RAB3C: variants seen among roughly 807,000 people sequenced by gnomAD.
The protein encoded by RAB3C is RAB3C, member RAS oncogene family.
Under a neutral mutation model 26.4 loss-of-function variants are expected in RAB3C, and 17 were observed. That is an observed-to-expected ratio of 0.64 (90% confidence interval 0.44 to 0.97). The LOEUF is 0.97. RAB3C is among the 50% of genes least tolerant of loss of function. The probability of loss-of-function intolerance (pLI) is 0.00; values close to 1 mark genes in which losing one functional copy is unlikely to be tolerated. For synonymous variants in RAB3C, 91 were observed against 95.9 expected (o/e 0.95, Z 0.30); for missense variants, 242 against 281.9 (o/e 0.86, Z 1.01).
intron 3 of RAB3C, among the ~76,000 whole-genome samples, chr5:58,792,792 T>C (rs1442626857): frequency 6.6e-6 from 1 of 152,116 alleles, no homozygotes; most frequent in Non-Finnish European, 1.5e-5. Context: ...TGTATGTGTA[T>C]ATATAAAACC....
chr5:58,631,531 A>G (rs1319278075), intron 2 of RAB3C, among the ~76,000 whole-genome samples: 1 of 152,234 alleles, frequency 6.6e-6, no homozygotes, highest in African/African-American at 2.4e-5. Flanking sequence ...GCTTTCAGCA[A>G]CAAGTTAAAT....
At chr5:58,673,599 A>G (rs1379675266) in intron 2 of RAB3C, among the ~76,000 whole-genome samples, 1 of 152,228 alleles carries the variant, frequency 6.6e-6, no homozygotes, top group Non-Finnish European at 1.5e-5. Flanking sequence ...GTTTGACCCA[A>G]GGATTTTAAA....
chr5:58,699,436 G>A (rs1237761584), intron 2 of RAB3C, among the ~76,000 whole-genome samples: 2 of 152,218 alleles, frequency 1.3e-5, no homozygotes, highest in East Asian at 3.9e-4. Flanking sequence ...ACCCACTTGA[G>A]GAAGCAGTCT....
chr5:58,841,519 G>A (rs1743875782), intron 4 of RAB3C, among the ~76,000 whole-genome samples: 1 of 152,172 alleles, frequency 6.6e-6, no homozygotes, highest in South Asian at 2.1e-4. Context: ...ATGGTGCTAT[G>A]CTGCAGAAGC....
chr5:58,712,706 G>A (rs969682168), intron 2 of RAB3C, among the ~76,000 whole-genome samples: 4 of 152,104 alleles, frequency 2.6e-5, no homozygotes, highest in African/African-American at 9.7e-5. Context: ...TGTATTTTTA[G>A]TAGAGACAGG....
At chr5:58,775,173 G>A (rs527984340) in intron 3 of RAB3C, among the ~76,000 whole-genome samples, 2 of 152,216 alleles carry the variant, frequency 1.3e-5, no homozygotes, top group African/African-American at 4.8e-5. Context: ...CAAAAGGACT[G>A]TTTCACTCAT....
chr5:58,651,711 A>G (rs981008039), intron 2 of RAB3C, among the ~76,000 whole-genome samples: 19 of 152,176 alleles, frequency 1.2e-4, no homozygotes, highest in African/African-American at 4.3e-4. Flanking sequence ...CATTGAGAAT[A>G]TGATCGTAAT....
rs61291213 is a variant in RAB3C, at chr5:58,693,336, G to GTATATATATA, written c.253-32649_253-32640dup. On this transcript the variant is annotated intron_variant, in intron 2 of 4. Coordinates refer to ENST00000282878, the MANE Select transcript of RAB3C (RefSeq NM_138453.4). ...AAATTAAGAAATTATATATATATGT[G>GTATATATATA]TATATATATATATATATATATATAT... is the stretch of plus-strand genomic sequence containing the variant. 4.3e-4 allele frequency among the ~76,000 whole-genome samples: 48 copies of GTATATATATA among 111,732 alleles called. 1 individual carries two copies. The highest frequency in any genetic ancestry group is 1.8e-3 in the African/African-American group (47 of 26,810). The allele number at this position is 111,732 out of a possible 152,430, so 73.3% of individuals were successfully genotyped here.
At chr5:58,649,437 G>A (rs1156302802) in intron 2 of RAB3C, among the ~76,000 whole-genome samples, 1 of 151,966 alleles carries the variant, frequency 6.6e-6, no homozygotes, top group Non-Finnish European at 1.5e-5. Flanking sequence ...TGGACCTGAT[G>A]ATTGGTACCT....
intron 3 of RAB3C, among the ~76,000 whole-genome samples, chr5:58,761,059 T>A (rs200698157): frequency 1.7e-3 from 117 of 68,652 alleles, no homozygotes; most frequent in Middle Eastern, 0.01. Context: ...CCTCTCTCTC[T>A]CTCTCACACA....
In RAB3C at chr5:58,606,783, T is replaced by C. The variant is rs548891481; in HGVS notation, c.25-10860T>C. Among the ~76,000 whole-genome samples the C allele has an allele frequency of 3.8e-4, 58 of 152,046 alleles. No homozygotes were observed. The South Asian group carries it at 0.012, about 31-fold the overall frequency. The stretch of plus-strand genomic sequence containing the variant: ...ATACCCAGGCAAACACGGTCTGGAG[T>C]AGTGGACCTCCAGCAAACTCCAACA... On this transcript the variant is annotated intron_variant, in intron 1 of 4. Coordinates refer to ENST00000282878, the MANE Select transcript of RAB3C (RefSeq NM_138453.4).
chr5:58,760,927 A>T (rs189880759), intron 3 of RAB3C, among the ~76,000 whole-genome samples: 10 of 152,356 alleles, frequency 6.6e-5, no homozygotes, highest in African/African-American at 2.4e-4. Flanking sequence ...CCAGTTAAAT[A>T]GATAACGAGC....
intron 2 of RAB3C, among the ~76,000 whole-genome samples, chr5:58,654,414 C>T (rs868588016): frequency 7.2e-5 from 11 of 152,164 alleles, no homozygotes; most frequent in African/African-American, 2.7e-4. Flanking sequence ...TCAAATCCAA[C>T]TTCTCAACTA....
chr5:58,607,894 T>A (rs1746607276), intron 1 of RAB3C, among the ~76,000 whole-genome samples: 1 of 152,110 alleles, frequency 6.6e-6, no homozygotes. Context: ...AGAGATTTTG[T>A]CACCACCAGG....
At chr5:58,658,258 A>G (rs1237828092) in intron 2 of RAB3C, among the ~76,000 whole-genome samples, 1 of 152,202 alleles carries the variant, frequency 6.6e-6, no homozygotes, top group Non-Finnish European at 1.5e-5. Flanking sequence ...CACAATGTTC[A>G]TCTGCTAAAG....
intron 2 of RAB3C, among the ~76,000 whole-genome samples, chr5:58,652,516 G>GAAGTATTATTAT (rs1461601996): frequency 2.6e-5 from 4 of 151,552 alleles, no homozygotes; most frequent in African/African-American, 9.7e-5. Flanking sequence ...TGTACAGTCA[G>GAAGTATTATTAT]AAGTATTATT....
At chr5:58,771,140 A>G (rs1001600656) in intron 3 of RAB3C, among the ~76,000 whole-genome samples, 2 of 152,192 alleles carry the variant, frequency 1.3e-5, no homozygotes, top group African/African-American at 4.8e-5. Context: ...TAGACAATGA[A>G]CAAATGTCTT....
At chr5:58,601,937 C>T (rs1475422387) in intron 1 of RAB3C, among the ~76,000 whole-genome samples, 2 of 151,908 alleles carry the variant, frequency 1.3e-5, no homozygotes, top group African/African-American at 2.4e-5. Context: ...TGAGGTGCAA[C>T]CTTAGACTGT....
At chr5:58,648,209 G>T (rs983231574) in intron 2 of RAB3C, among the ~76,000 whole-genome samples, 11 of 126,666 alleles carry the variant, frequency 8.7e-5, no homozygotes, top group Non-Finnish European at 1.0e-4. Flanking sequence ...AAGACCCCAG[G>T]TTGGCCTCCC....
Sources: allele counts gnomAD v4.1 joint callset (sites outside exome capture counted in the v4.1 genomes callset), GRCh38; gene constraint gnomAD v4.1.1; transcripts MANE v1.5; gene names NCBI Gene and HGNC (gene_info 2026-07-23, HGNC 2026-07-21).